Variants in NOVA1 observed in about 807,000 individuals in gnomAD.
NOVA1 encodes RNA-binding protein Nova-1.
In NOVA1, 7 loss-of-function variants were observed where a neutral mutation model predicts 38.0. The observed-to-expected ratio is 0.18, with a 90% confidence interval of 0.10 to 0.35. NOVA1 has a LOEUF of 0.35. Ranked by LOEUF, NOVA1 falls within the 10% of genes least tolerant of loss-of-function variation. The probability of loss-of-function intolerance (pLI) is 1.00; values close to 1 mark genes in which losing one functional copy is unlikely to be tolerated. For missense variants in NOVA1, 460 were observed against 616.0 expected (o/e 0.75, Z 2.68); for synonymous variants, 270 against 232.5 (o/e 1.16, Z -1.47).
chr14:26,458,832 T>C (rs1594330318), intron 4 of NOVA1, among the ~76,000 whole-genome samples: 1 of 151,774 alleles, frequency 6.6e-6, no homozygotes, highest in African/African-American at 2.4e-5. Context: ...GGAAACAAAA[T>C]TAAGAAAACA....
At chr14:26,554,259 G>T (rs986635073) in intron 2 of NOVA1, among the ~76,000 whole-genome samples, 2 of 151,630 alleles carry the variant, frequency 1.3e-5, no homozygotes, top group African/African-American at 4.8e-5. Context: ...GAAAAAAAGG[G>T]AACAAAAGGT....
intron 2 of NOVA1, among the ~76,000 whole-genome samples, chr14:26,550,146 A>G (rs1229041419): frequency 6.6e-6 from 1 of 152,220 alleles, no homozygotes; most frequent in South Asian, 2.1e-4. Flanking sequence ...CATTATTTCT[A>G]CAGAAATTTA....
Position 26,448,876 on chromosome 14 carries a change from C to T in NOVA1, c.607G>A (p.Ala203Thr). Residue 203 changes from alanine (A) to threonine (T), a missense_variant, in exon 5 of 5, where the codon GCT (alanine) becomes ACT (threonine). Physicochemically the swap from Ala to Thr is moderately conservative, Grantham distance 58 (BLOSUM62 0). Transcript: ENST00000539517. The surrounding 1 kb of genome is among the most constrained non-coding windows in gnomAD (Gnocchi z 5.3). The part of the protein sequence containing the change: ...TVKAVMEQSG[A>T]WVQLSQKPDG... ...GGTTTCTGGGAAAGCTGCACCCAAG[C>T]CCCTGACTGCTCCATTACAGCCTTC... is the stretch of plus-strand genomic sequence containing the variant. 6.2e-7 allele frequency: 1 copy of T among 1,614,108 alleles called. No homozygotes were observed. The highest frequency in any genetic ancestry group is 8.5e-7 in the Non-Finnish European group (1 of 1,180,028).
chr14:26,573,973 A>T (rs1419589421), intron 2 of NOVA1, among the ~76,000 whole-genome samples: 1 of 151,728 alleles, frequency 6.6e-6, no homozygotes, highest in African/African-American at 2.4e-5. Flanking sequence ...GCCACATGAG[A>T]TCTTACATTT....
chr14:26,592,332 T>G (rs745528732), intron 2 of NOVA1, among the ~76,000 whole-genome samples: 16 of 151,302 alleles, frequency 1.1e-4, no homozygotes, highest in Non-Finnish European at 2.1e-4. Flanking sequence ...TACTACAAGG[T>G]AACTTGCTAT....
intron 2 of NOVA1, among the ~76,000 whole-genome samples, chr14:26,528,825 G>A (rs2073274228): frequency 6.6e-6 from 1 of 152,154 alleles, no homozygotes; most frequent in Non-Finnish European, 1.5e-5. Flanking sequence ...TAATACTTAA[G>A]GAAAGACAAA....
intron 4 of NOVA1, among the ~76,000 whole-genome samples, chr14:26,464,769 T>G (rs1010205497): frequency 1.7e-4 from 26 of 152,246 alleles, no homozygotes; most frequent in Admixed American, 1.6e-3. Flanking sequence ...TATTTTAATT[T>G]AAAAAGGATT....
rs1319242648 is a variant in NOVA1 at position 26,470,326 on chromosome 14, C to G, written c.519+1994G>C. ...AACAAAAAACACATTTCCTTCTGCC[C>G]TACCACATGATTAGAATCTACTGGA... On this transcript the variant is annotated intron_variant, in intron 4 of 4. Coordinates refer to ENST00000539517, the MANE Select transcript of NOVA1 (RefSeq NM_002515.3). The G allele has an allele frequency of 7.6e-6, 11 of 1,448,004 alleles. No individual in the cohort carries two copies. In the African/African-American group the frequency reaches 1.6e-4, roughly 21 times the overall value. 89.7% of individuals were successfully genotyped at this position (1,448,004 alleles called of 1,614,324 possible).
chr14:26,574,487 A>C (rs2138736107), intron 2 of NOVA1, among the ~76,000 whole-genome samples: 1 of 152,124 alleles, frequency 6.6e-6, no homozygotes, highest in African/African-American at 2.4e-5. Context: ...AATTCTGTTA[A>C]TTTCCCCATA....
Position 26,462,463 on chromosome 14 carries a change from G to GACTGTTC in NOVA1, c.519+9856_519+9857insGAACAGT, listed in dbSNP as rs1443429300. 4.5e-3 allele frequency among the ~76,000 whole-genome samples: 688 copies of GACTGTTC among 152,238 alleles called. 6 individuals carry two copies. Among genetic ancestry groups the GACTGTTC allele is most frequent in the African/African-American group, 0.016 (655 of 41,546 alleles). ...TCTCAAACATTTCAAGAGGCGTCAT[G>GACTGTTC]AAATATTTTATCCGACTGTTCAAAT... On this transcript the variant is annotated intron_variant, in intron 4 of 4. Transcript: ENST00000539517.
At chr14:26,493,508 T>C (rs1464705094) in intron 2 of NOVA1, among the ~76,000 whole-genome samples, 2 of 152,202 alleles carry the variant, frequency 1.3e-5, no homozygotes, top group Non-Finnish European at 2.9e-5. Context: ...AGATATTACC[T>C]GGATGTAACA....
At chr14:26,534,311 T>C (rs866647788) in intron 2 of NOVA1, among the ~76,000 whole-genome samples, 20 of 152,194 alleles carry the variant, frequency 1.3e-4, no homozygotes, top group African/African-American at 4.3e-4. Context: ...CCAAGATGTA[T>C]GTTAAACATG....
At chr14:26,579,791 A>C (rs1475308324) in intron 2 of NOVA1, among the ~76,000 whole-genome samples, 2 of 152,178 alleles carry the variant, frequency 1.3e-5, no homozygotes, top group Non-Finnish European at 2.9e-5. Context: ...ACACTACTAA[A>C]ATTTCTTAGA....
intron 4 of NOVA1, among the ~76,000 whole-genome samples, chr14:26,468,361 G>A (rs61692986): frequency 0.01 from 1,552 of 151,572 alleles, 25 homozygotes; most frequent in African/African-American, 0.036. Context: ...CAACCTGGAT[G>A]AACAGGGACG....
chr14:26,453,262 CA>C (rs1882881549), intron 4 of NOVA1, among the ~76,000 whole-genome samples: 3 of 151,926 alleles, frequency 2.0e-5, no homozygotes, highest in Admixed American at 1.3e-4. Context: ...GGCTGGAGTA[CA>C]GTGACACAAT....
Position 26,447,819 on chromosome 14 carries a change from C to T in NOVA1, c.*140G>A. ...GTAAAACACATATTATTTACATATACACATTGTCAACATAGTCGCATTCAT... is the reference window on the plus strand; with the variant it reads ...GTAAAACACATATTATTTACATATATACATTGTCAACATAGTCGCATTCAT... On this transcript the variant is annotated 3_prime_UTR_variant, in exon 5 of 5. Transcript: ENST00000539517. The T allele has an allele frequency of 1.5e-6, 1 of 660,336 alleles. No homozygotes were observed. 40.9% of individuals were successfully genotyped at this position (660,336 alleles called of 1,614,324 possible).
At chr14:26,569,026 G>A (rs1480234674) in intron 2 of NOVA1, among the ~76,000 whole-genome samples, 1 of 152,092 alleles carries the variant, frequency 6.6e-6, no homozygotes, top group Non-Finnish European at 1.5e-5. Context: ...GCAAAGCCAA[G>A]CCACTCTGAA....
At position 26,448,073 on chromosome 14, in the gene NOVA1, C is replaced by T; in HGVS notation, c.1410G>A (p.Arg470=). Reference sequence around the variant, plus strand: ...CTGGTGTTCCAGTAATGGTTACCTTCCGATTCCTTGTGCCAGGTACGAATT... The same window carrying T: ...CTGGTGTTCCAGTAATGGTTACCTTTCGATTCCTTGTGCCAGGTACGAATT... ...KGEFVPGTRN[R]KVTITGTPAA... The change falls in exon 5 of 5, where the codon CGG becomes CGA. Residue 470 remains arginine, a synonymous_variant. Transcript: ENST00000539517. This position sits in a 1 kb window ranked among gnomAD's most constrained non-coding sequence, Gnocchi z 5.3. 2 of 1,614,204 alleles carry T rather than the reference C, an allele frequency of 1.2e-6. No homozygotes were observed. The highest frequency in any genetic ancestry group is 1.7e-6 in the Non-Finnish European group (2 of 1,180,036).
At chr14:26,495,387 T>C (rs1215005363) in intron 2 of NOVA1, among the ~76,000 whole-genome samples, 1 of 152,236 alleles carries the variant, frequency 6.6e-6, no homozygotes, top group African/African-American at 2.4e-5. Flanking sequence ...GACTGTTTTG[T>C]TCACATGTGT....
Sources: gnomAD v4.1 joint callset for allele counts (sites outside exome capture counted in the v4.1 genomes callset) on GRCh38, gnomAD v4.1.1 for gene constraint, Gnocchi (gnomAD v3.1) non-coding constraint, MANE v1.5 for transcripts, NCBI Gene and HGNC (gene_info 2026-07-23, HGNC 2026-07-21) for gene names.